The following SLC30A8 variants were observed in gnomAD, a reference collection of about 807,000 sequenced individuals.
SLC30A8 encodes the protein solute carrier family 30 member 8, also known as proton-coupled zinc antiporter SLC30A8.
Under a neutral mutation model 36.9 loss-of-function variants are expected in SLC30A8, and 27 were observed. That is an observed-to-expected ratio of 0.73 (90% CI 0.54 to 1.01). The LOEUF (loss-of-function observed/expected upper bound fraction) is 1.01. SLC30A8 is among the 50% of genes least tolerant of loss of function. The probability of loss-of-function intolerance (pLI) is 0.00; values close to 1 mark genes in which losing one functional copy is unlikely to be tolerated. For missense variants in SLC30A8, 439 were observed against 452.0 expected, an observed-to-expected ratio of 0.97 and a Z score of 0.26; for synonymous variants, 164 against 172.4, an observed-to-expected ratio of 0.95 and a Z score of 0.38.
chr8:117,052,886 G>A (rs1476444413), intron 2 of SLC30A8, among the ~76,000 whole-genome samples: 2 of 151,016 alleles, frequency 1.3e-5, no homozygotes, highest in Admixed American at 6.6e-5. Flanking sequence ...GGTAATGTAA[G>A]TATGTGAAGT....
chr8:117,063,653 T>C (rs1042624745), intron 2 of SLC30A8, among the ~76,000 whole-genome samples: 1 of 152,160 alleles, frequency 6.6e-6, no homozygotes, highest in African/African-American at 2.4e-5. Flanking sequence ...TCAGAAAAAG[T>C]GGGACAGAAA....
intron 1 of SLC30A8, among the ~76,000 whole-genome samples, chr8:116,981,777 A>G (rs532569217): frequency 5.3e-5 from 8 of 152,274 alleles, no homozygotes; most frequent in African/African-American, 1.9e-4. Context: ...GTAGTATTCC[A>G]TGGTGTGTAT....
In SLC30A8 at chr8:117,107,434, C is replaced by T. The variant is rs562819932; in HGVS notation, c.-225-27846C>T. Among the ~76,000 whole-genome samples, 207 of 152,182 alleles carry T rather than the reference C, an allele frequency of 1.4e-3. 1 individual carries two copies. The highest frequency in any genetic ancestry group is 4.8e-3 in the African/African-American group (198 of 41,534). On this transcript the variant is annotated intron_variant, in intron 2 of 10. Transcript: ENST00000427715. ...ATGGAAAGTATCTCTGAGATGAGAA[C>T]GATTAAGTAATATAATTTTAAACAT...
intron 2 of SLC30A8, chr8:117,055,709 G>A (rs982943487): frequency 6.6e-6 from 1 of 152,178 alleles, no homozygotes; most frequent in Non-Finnish European, 1.5e-5. Flanking sequence ...AAACCATTTA[G>A]ATGACCACTA....
At chr8:117,167,415 A>G (rs774145649) in intron 6 of SLC30A8, among the ~76,000 whole-genome samples, 2 of 152,008 alleles carry the variant, frequency 1.3e-5, no homozygotes, top group Admixed American at 6.6e-5. Context: ...TCTCAGTCCT[A>G]TTCTTCAGGG....
chr8:117,012,675 T>TGTGTGTGC (rs1816381027), intron 1 of SLC30A8, among the ~76,000 whole-genome samples: 1 of 148,820 alleles, frequency 6.7e-6, no homozygotes, highest in Non-Finnish European at 1.5e-5. Context: ...TAAGTGTGTG[T>TGTGTGTGC]GTGTGTGCAT....
intron 2 of SLC30A8, among the ~76,000 whole-genome samples, chr8:117,114,239 G>T (rs952842460): frequency 3.3e-5 from 5 of 152,052 alleles, no homozygotes; most frequent in Middle Eastern, 3.2e-3. Flanking sequence ...ATTATTAGAT[G>T]AAATGAGATT....
At chr8:117,026,482 A>C (rs1365742327) in intron 1 of SLC30A8, among the ~76,000 whole-genome samples, 1 of 152,166 alleles carries the variant, frequency 6.6e-6, no homozygotes, top group African/African-American at 2.4e-5. Flanking sequence ...TACTCAAACT[A>C]ATCTCACGCT....
chr8:116,981,945 G>T (rs1259389146), intron 1 of SLC30A8, among the ~76,000 whole-genome samples: 1 of 152,180 alleles, frequency 6.6e-6, no homozygotes, highest in East Asian at 1.9e-4. Flanking sequence ...TAATAGGATT[G>T]CTGGGTTGAA....
chr8:116,977,141 C>CTTTTTTTTT (rs71305451), intron 1 of SLC30A8, among the ~76,000 whole-genome samples: 100 of 59,084 alleles, frequency 1.7e-3, no homozygotes, highest in Non-Finnish European at 2.1e-3. Flanking sequence ...CTTTTTCTTG[C>CTTTTTTTTT]TTTTTTTTTT....
intron 1 of SLC30A8, among the ~76,000 whole-genome samples, chr8:117,028,736 A>G (rs2130736104): frequency 6.6e-6 from 1 of 152,124 alleles, no homozygotes; most frequent in African/African-American, 2.4e-5. Context: ...ACAAATATAT[A>G]TATATGTAGT....
intron 2 of SLC30A8, among the ~76,000 whole-genome samples, chr8:117,060,404 C>G (rs1452218338): frequency 1.3e-5 from 2 of 151,806 alleles, no homozygotes; most frequent in African/African-American, 4.8e-5. Flanking sequence ...TGGTGCTGGT[C>G]AGAATGAGAA....
rs34639384 is a variant in SLC30A8, at chr8:117,001,204, CTTTTTTTTTTTT to C, written c.-265-38004_-265-37993del. 7.7e-5 allele frequency among the ~76,000 whole-genome samples: 6 copies of C among 78,314 alleles called. No homozygotes were observed. In the East Asian group the frequency reaches 1.3e-3, roughly 17 times the overall value. 51.4% of individuals were successfully genotyped at this position (78,314 alleles called of 152,430 possible). ...CGTAGGAGAAAATATTTGCTAGGGG[CTTTTTTTTTTTT>C]TTTTTTTTTTGGAATTTTCTCTTTG... On this transcript the variant is annotated intron_variant, in intron 1 of 10. Coordinates refer to the SLC30A8 transcript ENST00000427715.
At chr8:117,001,180 G>A (rs988187321) in intron 1 of SLC30A8, among the ~76,000 whole-genome samples, 15 of 141,582 alleles carry the variant, frequency 1.1e-4, no homozygotes, top group African/African-American at 2.6e-4. Context: ...AACCAATAAC[G>A]TAGGAGAAAA....
intron 1 of SLC30A8, among the ~76,000 whole-genome samples, chr8:116,990,046 A>G (rs1452572087): frequency 6.6e-6 from 1 of 152,212 alleles, no homozygotes; most frequent in Non-Finnish European, 1.5e-5. Context: ...CAGTCATTCA[A>G]TTGAATAGCA....
At chr8:117,134,190 G>A (rs954078704), upstream of SLC30A8, among the ~76,000 whole-genome samples, 2 of 151,814 alleles carry the variant, frequency 1.3e-5, no homozygotes, top group African/African-American at 4.8e-5. Flanking sequence ...GTGACTCTGG[G>A]CCACTGGGTT....
intron 2 of SLC30A8, among the ~76,000 whole-genome samples, chr8:117,127,165 G>A (rs549986989): frequency 7.2e-5 from 11 of 151,960 alleles, no homozygotes; most frequent in South Asian, 2.1e-4. Flanking sequence ...GCTAAGCATC[G>A]CGTACCTAAT....
intron 2 of SLC30A8, among the ~76,000 whole-genome samples, chr8:117,062,283 G>A (rs188419799): frequency 5.3e-5 from 8 of 152,106 alleles, no homozygotes; most frequent in African/African-American, 1.7e-4. Flanking sequence ...TCTGAGACTC[G>A]GTAATTTATG....
intron 1 of SLC30A8, among the ~76,000 whole-genome samples, chr8:117,144,031 C>T (rs1413092899): frequency 5.3e-5 from 8 of 152,102 alleles, no homozygotes; most frequent in African/African-American, 1.9e-4. Context: ...TAAAGCAATG[C>T]TTCATATGAC....
Sources: allele counts gnomAD v4.1 joint callset (sites outside exome capture counted in the v4.1 genomes callset), GRCh38; gene constraint gnomAD v4.1.1; transcripts MANE v1.5; gene names NCBI Gene and HGNC (gene_info 2026-07-23, HGNC 2026-07-21).